The following CHSY3 variants were observed in gnomAD, a reference collection of about 807,000 sequenced individuals.
The protein encoded by CHSY3 is N-acetylgalactosaminyl-proteoglycan 3-beta-glucuronosyltransferase 3.
Under a neutral mutation model 67.2 loss-of-function variants are expected in CHSY3, and 35 were observed. The observed-to-expected ratio is 0.52, with a 90% CI of 0.40 to 0.69. The LOEUF is 0.69. Among genes scored for constraint, CHSY3 ranks in the 30% least tolerant of loss-of-function variants. CHSY3 has a pLI of 0.00. For synonymous variants in CHSY3, 474 were observed against 434.7 expected, an observed-to-expected ratio of 1.09 and a Z score of -1.12; for missense variants, 1,069 against 1,138.5, an observed-to-expected ratio of 0.94 and a Z score of 0.88.
chr5:129,969,720 A>T (rs1762583242), intron 2 of CHSY3, among the ~76,000 whole-genome samples: 3 of 151,872 alleles, frequency 2.0e-5, no homozygotes, highest in Admixed American at 2.0e-4. Flanking sequence ...AAATAGGTTT[A>T]TCTTTAATTC....
chr5:130,068,783 G>T (rs1196171435), intron 2 of CHSY3, among the ~76,000 whole-genome samples: 1 of 152,132 alleles, frequency 6.6e-6, no homozygotes, highest in Non-Finnish European at 1.5e-5. Flanking sequence ...CCACTGTCAG[G>T]TTCTGGCTCG....
intron 2 of CHSY3, among the ~76,000 whole-genome samples, chr5:129,952,188 T>C (rs1177847270): frequency 6.6e-6 from 1 of 152,110 alleles, no homozygotes; most frequent in Non-Finnish European, 1.5e-5. Flanking sequence ...CAAGTAAAAG[T>C]GGAAAGAATG....
chr5:130,185,199 T>A lies in CHSY3; in HGVS notation c.2057T>A (p.Met686Lys), dbSNP rs1770379139. The A allele has an allele frequency of 6.2e-7, 1 of 1,611,272 alleles. No homozygotes were observed. The highest frequency in any genetic ancestry group is 1.1e-5 in the South Asian group (1 of 91,024). The change falls in exon 3 of 3, where the codon ATG becomes AAG. Residue 686 changes from methionine to lysine, a missense_variant. Met to Lys is a moderately conservative substitution (Grantham distance 95). Around this residue, in one of 5 missense-constraint regions of CHSY3, gnomAD observed 401 missense variants for 395.2 expected, o/e 1.01. Coordinates refer to ENST00000305031, the MANE Select transcript of CHSY3 (RefSeq NM_175856.5). The part of the protein sequence containing the change: ...GYQNKYPKAE[M>K]TLIPMKGEFS... Reference sequence around the variant, plus strand: ...CAGAACAAGTACCCCAAAGCAGAAATGACCCTGATCCCAATGAAGGGAGAG... The same window carrying A: ...CAGAACAAGTACCCCAAAGCAGAAAAGACCCTGATCCCAATGAAGGGAGAG...
At chr5:129,941,678 A>G (rs1401667821) in intron 2 of CHSY3, among the ~76,000 whole-genome samples, 1 of 152,192 alleles carries the variant, frequency 6.6e-6, no homozygotes, top group East Asian at 1.9e-4. Context: ...CTACCGCAAC[A>G]GTCAACACAG....
chr5:129,934,296 G>A (rs1450484689), intron 2 of CHSY3, among the ~76,000 whole-genome samples: 1 of 151,756 alleles, frequency 6.6e-6, no homozygotes, highest in Non-Finnish European at 1.5e-5. Flanking sequence ...AGGGCTGTGG[G>A]GGCACTACCT....
At chr5:130,101,982 G>A (rs1043624577) in intron 2 of CHSY3, among the ~76,000 whole-genome samples, 1 of 152,086 alleles carries the variant, frequency 6.6e-6, no homozygotes, top group African/African-American at 2.4e-5. Flanking sequence ...TGTAATGGAT[G>A]TTGATGCAAA....
chr5:130,143,782 G>A (rs865900410), intron 2 of CHSY3, among the ~76,000 whole-genome samples: 697 of 32,152 alleles, frequency 0.022, 30 homozygotes, highest in African/African-American at 0.094. Context: ...ATATATATAT[G>A]TGTATATATA....
At chr5:130,162,096 A>G (rs970016581) in intron 2 of CHSY3, among the ~76,000 whole-genome samples, 9 of 150,560 alleles carry the variant, frequency 6.0e-5, no homozygotes, top group African/African-American at 9.7e-5. Context: ...CTATCCTTGT[A>G]TAGTGTTTTA....
At chr5:129,941,672 C>T (rs1007868845) in intron 2 of CHSY3, among the ~76,000 whole-genome samples, 3 of 152,100 alleles carry the variant, frequency 2.0e-5, no homozygotes, top group Admixed American at 6.6e-5. Flanking sequence ...CTCATACTAC[C>T]GCAACAGTCA....
At chr5:129,909,620 A>C (rs193047588) in intron 2 of CHSY3, among the ~76,000 whole-genome samples, 1 of 152,136 alleles carries the variant, frequency 6.6e-6, no homozygotes, top group East Asian at 1.9e-4. Flanking sequence ...TGTAAAAACT[A>C]TCCTACAACT....
intron 2 of CHSY3, among the ~76,000 whole-genome samples, chr5:130,085,232 T>C (rs1342046003): frequency 6.6e-6 from 1 of 151,978 alleles, no homozygotes; most frequent in Non-Finnish European, 1.5e-5. Context: ...TATTTGTCAA[T>C]AAAAACTAAA....
At chr5:130,008,521 T>C (rs1763950048) in intron 2 of CHSY3, among the ~76,000 whole-genome samples, 3 of 152,122 alleles carry the variant, frequency 2.0e-5, no homozygotes, top group African/African-American at 7.2e-5. Flanking sequence ...GCCTAACAGA[T>C]GGAAAAGAAC....
chr5:129,951,726 G>A (rs936655194), intron 2 of CHSY3, among the ~76,000 whole-genome samples: 9 of 152,110 alleles, frequency 5.9e-5, no homozygotes, highest in South Asian at 4.1e-4. Flanking sequence ...CATAGAAGCG[G>A]TCTAAACCAT....
At chr5:129,973,078 A>G (rs151269563) in intron 2 of CHSY3, among the ~76,000 whole-genome samples, 23 of 152,022 alleles carry the variant, frequency 1.5e-4, no homozygotes, top group African/African-American at 5.1e-4. Flanking sequence ...TCCCCTCAAT[A>G]ACTCTTTCAT....
At chr5:130,013,314 G>A (rs970030759) in intron 2 of CHSY3, among the ~76,000 whole-genome samples, 3 of 152,264 alleles carry the variant, frequency 2.0e-5, no homozygotes, top group Middle Eastern at 3.4e-3. Flanking sequence ...GAGGACAATG[G>A]CCCTCTTCTC....
intron 2 of CHSY3, among the ~76,000 whole-genome samples, chr5:130,087,154 AC>A (rs1428398708): frequency 2.0e-5 from 3 of 151,722 alleles, no homozygotes; most frequent in African/African-American, 2.4e-5. Context: ...AAAGCCTTTG[AC>A]AAAATTCAAC....
intron 2 of CHSY3, among the ~76,000 whole-genome samples, chr5:129,944,351 A>T (rs951624685): frequency 2.6e-5 from 4 of 151,624 alleles, no homozygotes; most frequent in African/African-American, 9.7e-5. Flanking sequence ...AGATGGTCTT[A>T]TAAATTGCCT....
intron 2 of CHSY3, among the ~76,000 whole-genome samples, chr5:130,057,876 CCT>C (rs1765585460): frequency 1.3e-5 from 2 of 151,790 alleles, no homozygotes; most frequent in African/African-American, 4.9e-5. Flanking sequence ...CCTTATACTG[CCT>C]ATGTCAACAC....
chr5:130,041,322 AATGG>A (rs1765001315), intron 2 of CHSY3, among the ~76,000 whole-genome samples: 7 of 152,144 alleles, frequency 4.6e-5, no homozygotes, highest in Admixed American at 4.6e-4. Context: ...ATTCTCCTGC[AATGG>A]TTTCCTGACA....
Sources: gnomAD v4.1 joint callset for allele counts (sites outside exome capture counted in the v4.1 genomes callset) on GRCh38, gnomAD v4.1.1 for gene constraint, gnomAD v4.1.1 regional missense constraint, MANE v1.5 for transcripts, NCBI Gene and HGNC (gene_info 2026-07-23, HGNC 2026-07-21) for gene names.